Variants in XKR4 observed in about 807,000 individuals in gnomAD.
XKR4 encodes XK-related protein 4.
In XKR4, 12 loss-of-function variants were observed where a neutral mutation model predicts 53.9. That is an observed-to-expected ratio of 0.22 (90% CI 0.14 to 0.36). The LOEUF is 0.36. Among genes scored for constraint, XKR4 ranks in the 10% least tolerant of loss-of-function variants. XKR4 has a pLI of 1.00. For synonymous variants in XKR4, 354 were observed against 362.4 expected (o/e 0.98, Z 0.26); for missense variants, 799 against 859.5 (o/e 0.93, Z 0.88).
chr8:55,177,689 A>T (rs1256749053), intron 1 of XKR4, among the ~76,000 whole-genome samples: 3 of 152,206 alleles, frequency 2.0e-5, no homozygotes, highest in Non-Finnish European at 4.4e-5. Flanking sequence ...CCAACTAGGG[A>T]GATGTCATTG....
In XKR4 at chr8:55,540,839, A is replaced by G. The variant is rs1563376960; in HGVS notation, c.*16612A>G. On this transcript the variant is annotated 3_prime_UTR_variant, in exon 3 of 3. Coordinates refer to ENST00000327381, the MANE Select transcript of XKR4 (RefSeq NM_052898.2). ...AATGCCATTTTACATGATAGCTTCA[A>G]TGCAGAAATGGTGTGAGCCTGAGTT... 1 of 152,196 alleles carries G rather than the reference A, an allele frequency of 6.6e-6. No individual in the cohort carries two copies. The highest frequency in any genetic ancestry group is 2.1e-4 in the South Asian group (1 of 4,834). The allele number at this position is 152,196 out of a possible 1,614,324, so 9.4% of individuals were successfully genotyped here.
intron 1 of XKR4, among the ~76,000 whole-genome samples, chr8:55,224,185 A>G (rs903881478): frequency 1.3e-5 from 2 of 152,002 alleles, no homozygotes; most frequent in Admixed American, 6.6e-5. Flanking sequence ...GGTACTGATT[A>G]TCCTATTTCT....
intron 2 of XKR4, among the ~76,000 whole-genome samples, chr8:55,490,084 T>C (rs1208838903): frequency 1.3e-5 from 2 of 151,956 alleles, no homozygotes; most frequent in East Asian, 3.9e-4. Flanking sequence ...TTTCTGACAC[T>C]CTTTATTACT....
At chr8:55,195,803 C>T (rs989922507) in intron 1 of XKR4, among the ~76,000 whole-genome samples, 2 of 152,098 alleles carry the variant, frequency 1.3e-5, no homozygotes, top group African/African-American at 4.8e-5. Context: ...TTATGTTAGC[C>T]GCCATGGTTT....
At chr8:55,317,296 C>T (rs2129378972) in intron 1 of XKR4, among the ~76,000 whole-genome samples, 1 of 152,232 alleles carries the variant, frequency 6.6e-6, no homozygotes, top group South Asian at 2.1e-4. Context: ...CTGAGTTTTG[C>T]ATCTAATGTC....
chr8:55,127,445 G>GT (rs1816484221), intron 1 of XKR4, among the ~76,000 whole-genome samples: 2 of 151,270 alleles, frequency 1.3e-5, no homozygotes, highest in Non-Finnish European at 2.9e-5. Flanking sequence ...TAGAGATGGG[G>GT]TTTCACCATG....
intron 2 of XKR4, among the ~76,000 whole-genome samples, chr8:55,502,673 C>G (rs1030758415): frequency 1.3e-5 from 2 of 151,908 alleles, no homozygotes; most frequent in Non-Finnish European, 2.9e-5. Flanking sequence ...CTATGACTGT[C>G]TTTTTACTCT....
intron 1 of XKR4, among the ~76,000 whole-genome samples, chr8:55,137,013 T>C (rs1308422597): frequency 6.6e-6 from 1 of 152,224 alleles, no homozygotes; most frequent in Admixed American, 6.5e-5. Flanking sequence ...CTGGAATGAA[T>C]ATATGGCCTT....
intron 2 of XKR4, among the ~76,000 whole-genome samples, chr8:55,402,101 C>T (rs1660557305): frequency 6.6e-6 from 1 of 152,106 alleles, no homozygotes. Context: ...AGTAGGTAGC[C>T]TCTAGAAAAC....
At chr8:55,175,188 C>T (rs1817213753) in intron 1 of XKR4, among the ~76,000 whole-genome samples, 1 of 152,116 alleles carries the variant, frequency 6.6e-6, no homozygotes, top group Admixed American at 6.5e-5. Context: ...AATATTGTGC[C>T]ACTGTGAATA....
At position 55,524,530 on chromosome 8, in the gene XKR4, A is replaced by G; in HGVS notation, c.*303A>G. Reference sequence around the variant, plus strand: ...ACCAGAGGGTACTACTATTATGGAAAAATTTTGCCTCCAATCATTAGGGTG... The same window carrying G: ...ACCAGAGGGTACTACTATTATGGAAGAATTTTGCCTCCAATCATTAGGGTG... On this transcript the variant is annotated 3_prime_UTR_variant, in exon 3 of 3. Transcript: ENST00000327381. 2.8e-6 allele frequency: 1 copy of G among 352,742 alleles called. No individual in the cohort carries two copies. Among genetic ancestry groups the G allele is most frequent in the Non-Finnish European group, 5.1e-6 (1 of 194,592 alleles). 21.9% of individuals were successfully genotyped at this position (352,742 alleles called of 1,614,324 possible).
In XKR4 at chr8:55,523,574, G is replaced by A. The variant is rs766227461; in HGVS notation, c.1300G>A (p.Asp434Asn). 1.9e-6 allele frequency: 3 copies of A among 1,614,170 alleles called. No individual in the cohort carries two copies. The highest frequency in any genetic ancestry group is 4.5e-5 in the East Asian group (2 of 44,884). ...CACCAAATGGGAAGAGATTGTGTTCGACATGGTGGTGGGGATTATCTATAT... is the reference window on the plus strand; with the variant it reads ...CACCAAATGGGAAGAGATTGTGTTCAACATGGTGGTGGGGATTATCTATAT... ...CITKWEEIVF[D>N]MVVGIIYIFS... The change falls in exon 3 of 3, where the codon GAC (aspartate) becomes AAC (asparagine). Residue 434 changes from aspartate (D) to asparagine (N), a missense_variant. Asp to Asn is a conservative substitution (Grantham distance 23). This residue lies in a region of XKR4 where 54 missense variants were observed against 89.7 expected (regional missense o/e 0.60). Coordinates refer to ENST00000327381, the MANE Select transcript of XKR4 (RefSeq NM_052898.2).
chr8:55,514,405 T>A (rs1806682098), intron 2 of XKR4, among the ~76,000 whole-genome samples: 2 of 152,074 alleles, frequency 1.3e-5, no homozygotes, highest in African/African-American at 4.8e-5. Flanking sequence ...TACAGGCATG[T>A]GCCATCATGC....
intron 2 of XKR4, among the ~76,000 whole-genome samples, chr8:55,455,588 A>T (rs1805558259): frequency 6.6e-6 from 1 of 152,230 alleles, no homozygotes; most frequent in African/African-American, 2.4e-5. Flanking sequence ...TAGCTTTTCC[A>T]GCTCAAGTTT....
chr8:55,450,169 T>G lies in XKR4; in HGVS notation c.1007-73112T>G, dbSNP rs1206260787. ...CTGCAGGCGTGAGATGGCGTCAGGC[T>G]GGGCTCGGGGGCAGCTGTGGTAGCA... On this transcript the variant is annotated intron_variant, in intron 2 of 2. Transcript: ENST00000327381. The G allele has an allele frequency of 9.0e-6, 6 of 667,648 alleles. No individual in the cohort carries two copies. The East Asian group carries it at 1.6e-4, about 17-fold the overall frequency. 41.4% of individuals were successfully genotyped at this position (667,648 alleles called of 1,614,324 possible).
chr8:55,251,233 G>A (rs1818357906), intron 1 of XKR4, among the ~76,000 whole-genome samples: 1 of 152,180 alleles, frequency 6.6e-6, no homozygotes, highest in Admixed American at 6.5e-5. Context: ...CATTGGCATA[G>A]GTAAGAATAC....
intron 1 of XKR4, among the ~76,000 whole-genome samples, chr8:55,148,403 TA>T (rs201984153): frequency 1.3e-5 from 2 of 150,138 alleles, no homozygotes; most frequent in Non-Finnish European, 1.5e-5. Context: ...AGACCCTGTC[TA>T]AAAAAAAATA....
chr8:55,104,493 T>C (rs898821373), intron 1 of XKR4, among the ~76,000 whole-genome samples: 3 of 152,336 alleles, frequency 2.0e-5, no homozygotes, highest in Middle Eastern at 3.4e-3. Context: ...TGCCGAAGTA[T>C]CACCTGTGGA....
intron 1 of XKR4, among the ~76,000 whole-genome samples, chr8:55,130,410 T>C (rs1050879264): frequency 6.6e-6 from 1 of 152,016 alleles, no homozygotes; most frequent in Non-Finnish European, 1.5e-5. Context: ...CCTGGTACAG[T>C]GACAAAAGCA....
Sources: gnomAD v4.1 joint callset for allele counts (sites outside exome capture counted in the v4.1 genomes callset) on GRCh38, gnomAD v4.1.1 for gene constraint, gnomAD v4.1.1 regional missense constraint, MANE v1.5 for transcripts, NCBI Gene and HGNC (gene_info 2026-07-23, HGNC 2026-07-21) for gene names.